The following SNX25 variants were observed in gnomAD, a reference collection of about 807,000 sequenced individuals.
SNX25 encodes sorting nexin 25, also known as sorting nexin-25.
SNX25 carries 62 observed loss-of-function variants against 113.7 expected under a neutral mutation model. The ratio of observed to expected loss-of-function variants is 0.55; its 90% CI spans 0.44 to 0.67. The LOEUF (loss-of-function observed/expected upper bound fraction) is 0.67. Among genes scored for constraint, SNX25 ranks in the 30% least tolerant of loss-of-function variants. The probability of loss-of-function intolerance (pLI) is 0.00; values close to 1 mark genes in which losing one functional copy is unlikely to be tolerated. For synonymous variants in SNX25, 421 were observed against 436.2 expected (o/e 0.97, Z 0.43); for missense variants, 1,014 against 1,161.0 (o/e 0.87, Z 1.84).
In SNX25 at chr4:185,351,430, C is replaced by T. The variant is rs906470264; in HGVS notation, c.2302-15C>T. On this transcript the variant is annotated splice_polypyrimidine_tract_variant and intron_variant, in intron 13 of 18. Coordinates refer to ENST00000652585, the MANE Select transcript of SNX25 (RefSeq NM_001378034.2). ...GTTTCCCACACTGGAGCAGTTAATC[C>T]TCTTTCTTCCATAGAATCTGCTTTC... 2 of 1,611,744 alleles carry T rather than the reference C, an allele frequency of 1.2e-6. No homozygotes were observed. The highest frequency in any genetic ancestry group is 8.5e-7 in the Non-Finnish European group (1 of 1,179,150).
rs28695631 is a variant in SNX25, at chr4:185,351,410, C to T, written c.2302-35C>T. 1.7e-3 allele frequency: 2,761 copies of T among 1,601,038 alleles called. 40 individuals carry two copies. The African/African-American group carries it at 0.03, about 17-fold the overall frequency. On this transcript the variant is annotated intron_variant, in intron 13 of 18. Coordinates refer to ENST00000652585, the MANE Select transcript of SNX25 (RefSeq NM_001378034.2). The stretch of plus-strand genomic sequence containing the variant: ...AGCTCCCAGCCACACAGATAGTTTC[C>T]CACACTGGAGCAGTTAATCCTCTTT...
intron 2 of SNX25, among the ~76,000 whole-genome samples, chr4:185,256,620 A>G (rs1381877912): frequency 2.5e-5 from 3 of 121,836 alleles, no homozygotes; most frequent in East Asian, 5.3e-4. Context: ...GCTCACCTAA[A>G]TTTCTTTTTT....
At chr4:185,353,262 T>A (rs2095324338) in intron 14 of SNX25, 1 of 379,740 alleles carries the variant, frequency 2.6e-6, no homozygotes, top group Admixed American at 4.0e-5. Flanking sequence ...CAGCGACAGA[T>A]TTTTTTTTAA....
At chr4:185,265,587 A>G (rs902338843) in intron 4 of SNX25, among the ~76,000 whole-genome samples, 4 of 152,252 alleles carry the variant, frequency 2.6e-5, no homozygotes, top group Admixed American at 6.5e-5. Context: ...TGCAGACTTC[A>G]TAAACAGTGT....
chr4:185,263,687 C>G (rs147633968), intron 3 of SNX25, among the ~76,000 whole-genome samples: 61 of 152,246 alleles, frequency 4.0e-4, no homozygotes, highest in African/African-American at 1.4e-3. Flanking sequence ...CATGTTTTTT[C>G]TCATTGTTAG....
chr4:185,261,589 C>T (rs1747346483), intron 3 of SNX25, among the ~76,000 whole-genome samples: 1 of 152,154 alleles, frequency 6.6e-6, no homozygotes, highest in Admixed American at 6.5e-5. Context: ...CTAATTTCAA[C>T]ATGAGAATAT....
intron 1 of SNX25, among the ~76,000 whole-genome samples, chr4:185,226,104 C>T (rs1740952002): frequency 6.6e-6 from 1 of 152,168 alleles, no homozygotes; most frequent in South Asian, 2.1e-4. Flanking sequence ...CTGGTTGTGA[C>T]TGCAGACTCT....
chr4:185,367,548 A>G (rs1017720679), downstream of SNX25, among the ~76,000 whole-genome samples: 1 of 152,208 alleles, frequency 6.6e-6, no homozygotes, highest in Non-Finnish European at 1.5e-5. Flanking sequence ...TAAAATGGAG[A>G]GCATTAACAT....
intron 9 of SNX25, among the ~76,000 whole-genome samples, chr4:185,326,603 C>T (rs1006152948): frequency 6.6e-6 from 1 of 152,184 alleles, no homozygotes; most frequent in Non-Finnish European, 1.5e-5. Context: ...TTATAGGCGT[C>T]TCCCAAAACG....
chr4:185,230,026 C>T (rs1365390282), intron 1 of SNX25, among the ~76,000 whole-genome samples: 1 of 152,060 alleles, frequency 6.6e-6, no homozygotes, highest in Non-Finnish European at 1.5e-5. Context: ...GATGAGGTTT[C>T]GCCATGTTGC....
chr4:185,328,919 G>A (rs1329428188), intron 9 of SNX25, among the ~76,000 whole-genome samples: 4 of 152,088 alleles, frequency 2.6e-5, no homozygotes, highest in Non-Finnish European at 5.9e-5. Flanking sequence ...GTTTGAACAG[G>A]CGAGGAGCAG....
intron 5 of SNX25, among the ~76,000 whole-genome samples, chr4:185,276,791 G>T (rs1749761743): frequency 6.6e-6 from 1 of 152,186 alleles, no homozygotes; most frequent in Non-Finnish European, 1.5e-5. Flanking sequence ...CTCCCTGGCA[G>T]GTCCAGGATC....
chr4:185,376,945 CAG>C, the SNX25 span: 3 of 1,613,750 alleles, frequency 1.9e-6, no homozygotes, highest in Non-Finnish European at 2.5e-6. Flanking sequence ...GGAAATATGC[CAG>C]AGTGTCTCCT....
At chr4:185,345,601 C>T (rs902516824) in intron 12 of SNX25, among the ~76,000 whole-genome samples, 2 of 151,948 alleles carry the variant, frequency 1.3e-5, no homozygotes, top group South Asian at 2.1e-4. Context: ...TTGAGACTGG[C>T]CTGGACAACA....
At chr4:185,287,798 G>A (rs1187991550) in intron 5 of SNX25, among the ~76,000 whole-genome samples, 2 of 142,066 alleles carry the variant, frequency 1.4e-5, no homozygotes, top group Non-Finnish European at 3.1e-5. Flanking sequence ...GGAGGCTCCT[G>A]ATGTTTACGT....
chr4:185,364,212 G>A (rs2095378640), downstream of SNX25: 1 of 152,198 alleles, frequency 6.6e-6, no homozygotes, highest in African/African-American at 2.4e-5. Flanking sequence ...GATGGGAGCT[G>A]ACCCTTGGAG....
intron 9 of SNX25, among the ~76,000 whole-genome samples, chr4:185,328,244 T>G (rs533793935): frequency 6.6e-6 from 1 of 152,190 alleles, no homozygotes; most frequent in South Asian, 2.1e-4. Context: ...GAAAACAATT[T>G]CCAGGGCCTA....
intron 1 of SNX25, among the ~76,000 whole-genome samples, chr4:185,233,094 G>A (rs533987474): frequency 6.6e-6 from 1 of 152,186 alleles, no homozygotes; most frequent in East Asian, 1.9e-4. Flanking sequence ...GACCTGCCTG[G>A]CCAACATGGT....
rs891847449 is a variant in SNX25, at chr4:185,304,213, A to G, written c.1163-6422A>G. Among the ~76,000 whole-genome samples, 5 of 152,242 alleles carry G rather than the reference A, an allele frequency of 3.3e-5. No homozygotes were observed. In the South Asian group the frequency reaches 6.2e-4, roughly 19 times the overall value. On this transcript the variant is annotated intron_variant, in intron 6 of 18. Transcript: ENST00000652585. ...CAGGCTGGAACATAGAGACGTGATC[A>G]TAGCTCACTGTAACCTCAAACTCCT...
Sources: allele counts gnomAD v4.1 joint callset (sites outside exome capture counted in the v4.1 genomes callset), GRCh38; gene constraint gnomAD v4.1.1; transcripts MANE v1.5; gene names NCBI Gene and HGNC (gene_info 2026-07-23, HGNC 2026-07-21).